The following IYD variants were observed in gnomAD, a reference collection of about 807,000 sequenced individuals.
The protein encoded by IYD is iodotyrosine deiodinase 1.
Under a neutral mutation model 28.4 loss-of-function variants are expected in IYD, and 25 were observed. That is an observed-to-expected ratio of 0.88 (90% CI 0.64 to 1.23). The LOEUF (loss-of-function observed/expected upper bound fraction) is 1.23. IYD is among the 50% of genes most tolerant of loss of function. IYD has a pLI of 0.00. For missense variants in IYD, 352 were observed against 357.9 expected (o/e 0.98, Z 0.13); for synonymous variants, 140 against 130.8 (o/e 1.07, Z -0.48).
In IYD at chr6:150,398,513, C is replaced by T. The variant is rs1778410858; in HGVS notation, c.*276C>T. ...TTTTAAAAGTTATTCTAGACAATCACTATTGGCTTTTTTCTTTTATTTTTA... is the reference window on the plus strand; with the variant it reads ...TTTTAAAAGTTATTCTAGACAATCATTATTGGCTTTTTTCTTTTATTTTTA... On this transcript the variant is annotated 3_prime_UTR_variant, in exon 5 of 5. Transcript: ENST00000344419. The T allele has an allele frequency of 1.6e-5, 6 of 380,350 alleles. No individual in the cohort carries two copies. Among genetic ancestry groups the T allele is most frequent in the Non-Finnish European group, 2.8e-5 (6 of 211,686 alleles). The allele number at this position is 380,350 out of a possible 1,614,324, so 23.6% of individuals were successfully genotyped here. A position where few individuals can be genotyped will look rare whatever the true frequency, so the allele number is the denominator to read the frequency against.
At position 150,392,519 on chromosome 6, in the gene IYD, G is replaced by A; in HGVS notation, c.530+15G>A. ...AAGAAACTGAGGTACAAACAGTGGTGGAACTGGGGATGTTTGCCTTGGCCT... is the reference window on the plus strand; with the variant it reads ...AAGAAACTGAGGTACAAACAGTGGTAGAACTGGGGATGTTTGCCTTGGCCT... On this transcript the variant is annotated intron_variant, in intron 3 of 4. Coordinates refer to ENST00000344419, the MANE Select transcript of IYD (RefSeq NM_203395.3). 6.2e-7 allele frequency: 1 copy of A among 1,613,360 alleles called. No homozygotes were observed. The highest frequency in any genetic ancestry group is 1.1e-5 in the South Asian group (1 of 91,042).
chr6:150,398,145 C>T lies in IYD; in HGVS notation c.778C>T (p.Leu260=). 1 of 1,614,206 alleles carries T rather than the reference C, an allele frequency of 6.2e-7. No individual in the cohort carries two copies. Among genetic ancestry groups the T allele is most frequent in the Non-Finnish European group, 8.5e-7 (1 of 1,180,028 alleles). The stretch of plus-strand genomic sequence containing the variant: ...GGGCCGCCCCGCACATGAAAAGCTG[C>T]TGATGCTGCTCCCCGTGGGGTACCC... ...LLGRPAHEKL[L]MLLPVGYPSK... is the part of the protein sequence containing the mutation. Residue 260 remains leucine, a synonymous_variant, in exon 5 of 5, where the codon CTG becomes TTG. Coordinates refer to ENST00000344419, the MANE Select transcript of IYD (RefSeq NM_203395.3).
At chr6:150,392,557 TCAC>T in intron 3 of IYD, 53 bp downstream of exon 3, 15 of 1,550,072 alleles carry the variant, frequency 9.7e-6, no homozygotes, top group Non-Finnish European at 1.3e-5. Context: ...TAAAATAAAA[TCAC>T]CACCACCACC....
chr6:150,394,259 T>C lies in IYD; in HGVS notation c.687+4T>C, dbSNP rs1296705304. 1.2e-5 allele frequency: 20 copies of C among 1,613,964 alleles called. No individual in the cohort carries two copies. The highest frequency in any genetic ancestry group is 1.7e-5 in the Non-Finnish European group (20 of 1,179,938). On this transcript the variant is annotated splice_donor_region_variant and intron_variant, in intron 4 of 4. Coordinates refer to ENST00000344419, the MANE Select transcript of IYD (RefSeq NM_203395.3). ...CATCCTGCTAGCTGCCCTGCAGGTATGTTGAGACATCAAGGGTTACAGGGT... is the reference window on the plus strand; with the variant it reads ...CATCCTGCTAGCTGCCCTGCAGGTACGTTGAGACATCAAGGGTTACAGGGT...
intron 3 of IYD, among the ~76,000 whole-genome samples, chr6:150,392,849 T>C (rs1048419920): frequency 1.3e-5 from 2 of 152,244 alleles, no homozygotes; most frequent in African/African-American, 4.8e-5. Flanking sequence ...AAGCAGGTTT[T>C]AGTTTTAGGA....
At chr6:150,395,390 T>C (rs1442118598) in intron 4 of IYD, 1 of 1,536,420 alleles carries the variant, frequency 6.5e-7, no homozygotes, top group Admixed American at 2.0e-5. Flanking sequence ...GAAATGTGTT[T>C]TAGGTTTTTG....
intron 1 of IYD, among the ~76,000 whole-genome samples, chr6:150,387,772 G>T (rs993997858): frequency 1.3e-5 from 2 of 151,902 alleles, no homozygotes; most frequent in East Asian, 3.9e-4. Context: ...TTCAATTCCA[G>T]AAGTTCTCTA....
At chr6:150,392,236 A>C in intron 2 of IYD, 109 bp from the exon 3 acceptor site, 2 of 1,573,256 alleles carry the variant, frequency 1.3e-6, no homozygotes, top group Non-Finnish European at 1.7e-6. Flanking sequence ...TTGATCCTCC[A>C]GCTCCAGCCT....
rs1554231468 is a variant in IYD at position 150,388,630 on chromosome 6, G to GCTTTCTTTCTTCTTT, written c.179-711_179-710insCTTTCTTTCTTTCTT. Among the ~76,000 whole-genome samples, 449 of 129,404 alleles carry GCTTTCTTTCTTCTTT rather than the reference G, an allele frequency of 3.5e-3. 2 individuals carry two copies. The highest frequency in any genetic ancestry group is 0.013 in the African/African-American group (428 of 32,438). 84.9% of individuals were successfully genotyped at this position (129,404 alleles called of 152,430 possible). On this transcript the variant is annotated intron_variant, in intron 1 of 4. Transcript: ENST00000344419. ...TCTAGATTTATAGTCTGGAGTTTTTGCTTTCTTTCTTTCTTTCTTTCTTTC... is the reference window on the plus strand; with the variant it reads ...TCTAGATTTATAGTCTGGAGTTTTTGCTTTCTTTCTTCTTTCTTTCTTTCTTTCTTTCTTTCTTTC...
intron 3 of IYD, among the ~76,000 whole-genome samples, chr6:150,392,745 G>T (rs557763350): frequency 6.6e-6 from 1 of 152,116 alleles, no homozygotes; most frequent in Non-Finnish European, 1.5e-5. Flanking sequence ...CTTTTCACTC[G>T]TCTGGAACAT....
chr6:150,392,457 C>T lies in IYD; in HGVS notation c.483C>T (p.Tyr161=), dbSNP rs1562320288. 1 of 1,613,974 alleles carries T rather than the reference C, an allele frequency of 6.2e-7. No individual in the cohort carries two copies. Among genetic ancestry groups the T allele is most frequent in the Admixed American group, 1.7e-5 (1 of 60,014 alleles). The change falls in exon 3 of 5, where the codon TAC becomes TAT. Residue 161 remains tyrosine, a synonymous_variant. Coordinates refer to ENST00000344419, the MANE Select transcript of IYD (RefSeq NM_203395.3). The part of the protein sequence containing the change: ...KIIEEEEEIN[Y]MKRMGHRWVT... ...TTGAGGAGGAAGAGGAGATCAACTA[C>T]ATGAAAAGGATGGGACATCGCTGGG... is the stretch of plus-strand genomic sequence containing the variant.
rs1778429988 is a variant in IYD at position 150,399,134 on chromosome 6, G to A, written c.*897G>A. 6.6e-6 allele frequency: 1 copy of A among 152,174 alleles called. No individual in the cohort carries two copies. Among genetic ancestry groups the A allele is most frequent in the Non-Finnish European group, 1.5e-5 (1 of 68,062 alleles). 9.4% of individuals were successfully genotyped at this position (152,174 alleles called of 1,614,324 possible). On this transcript the variant is annotated 3_prime_UTR_variant, in exon 5 of 5. Coordinates refer to ENST00000344419, the MANE Select transcript of IYD (RefSeq NM_203395.3). The stretch of plus-strand genomic sequence containing the variant: ...GCACGGGCCTGGCTGGCATGTAAAC[G>A]GTCAGTTGCACTGCCTAGTGGTTTG...
In IYD at chr6:150,401,706, G is replaced by A. The variant is rs919372327; in HGVS notation, c.*3469G>A. On this transcript the variant is annotated 3_prime_UTR_variant, in exon 5 of 5. Transcript: ENST00000344419. Reference sequence around the variant, plus strand: ...AAAGTTAGAAATAGTGGTCGGGGAGGCTTATAGATCCTCTTGCTGTTCTGA... The same window carrying A: ...AAAGTTAGAAATAGTGGTCGGGGAGACTTATAGATCCTCTTGCTGTTCTGA... 1.3e-5 allele frequency: 2 copies of A among 152,160 alleles called. No homozygotes were observed. Among genetic ancestry groups the A allele is most frequent in the African/African-American group, 4.8e-5 (2 of 41,442 alleles). 9.4% of individuals were successfully genotyped at this position (152,160 alleles called of 1,614,324 possible).
chr6:150,401,038 ATAGGTGTGTGTTTG>A lies in IYD; in HGVS notation c.*2802_*2815del, dbSNP rs1438501733. 3.3e-5 allele frequency: 5 copies of A among 152,206 alleles called. No individual in the cohort carries two copies. In the East Asian group the frequency reaches 9.6e-4, roughly 29 times the overall value. 9.4% of individuals were successfully genotyped at this position (152,206 alleles called of 1,614,324 possible). ...TTACTCCAGGAAAAAAGGTGTGTGT[ATAGGTGTGTGTTTG>A]GAGAGTGTGAGCGAGAACTAACATG... On this transcript the variant is annotated 3_prime_UTR_variant, in exon 5 of 5. Transcript: ENST00000344419.
Position 150,398,339 on chromosome 6 carries a change from T to G in IYD, c.*102T>G. The G allele has an allele frequency of 6.5e-4, 729 of 1,119,104 alleles. No homozygotes were observed. The highest frequency in any genetic ancestry group is 8.9e-4 in the Non-Finnish European group (669 of 747,754). 69.3% of individuals were successfully genotyped at this position (1,119,104 alleles called of 1,614,324 possible). On this transcript the variant is annotated 3_prime_UTR_variant, in exon 5 of 5. Coordinates refer to ENST00000344419, the MANE Select transcript of IYD (RefSeq NM_203395.3). The stretch of plus-strand genomic sequence containing the variant: ...CTCTTGGCTGCTCTTTCTCCAGGTG[T>G]CAGGTCCCCTCATTGCTCTTCTCAG...
In IYD at chr6:150,381,284, T is replaced by C. The variant is rs114551636; in HGVS notation, c.179-8068T>C. Among the ~76,000 whole-genome samples, 1,017 of 152,294 alleles carry C rather than the reference T, an allele frequency of 6.7e-3. 20 individuals are homozygous for C. Among genetic ancestry groups the C allele is most frequent in the African/African-American group, 0.024 (986 of 41,566 alleles). On this transcript the variant is annotated intron_variant, in intron 1 of 4. Coordinates refer to ENST00000344419, the MANE Select transcript of IYD (RefSeq NM_203395.3). ...GAAATTCATCTCTAAGGATCTAAGT[T>C]TCCACTGTATCTAGACTTTACCTAC...
Position 150,402,650 on chromosome 6 carries a change from T to A in IYD, c.*4413T>A, listed in dbSNP as rs964334709. ...GTCTAATACAGCTTTAAATAGAGTA[T>A]CACTTTGGGCCAAAGAAAATTGATA... On this transcript the variant is annotated 3_prime_UTR_variant, in exon 5 of 5. Transcript: ENST00000344419. 2 of 152,172 alleles carry A rather than the reference T, an allele frequency of 1.3e-5. No homozygotes were observed. Among genetic ancestry groups the A allele is most frequent in the African/African-American group, 4.8e-5 (2 of 41,444 alleles). The allele number at this position is 152,172 out of a possible 1,614,324, so 9.4% of individuals were successfully genotyped here. A position where few individuals can be genotyped will look rare whatever the true frequency, so the allele number is the denominator to read the frequency against.
At chr6:150,370,160 AGTGTGTGTGAGTGTAT>A (rs1431383408) in intron 1 of IYD, 2 of 652,486 alleles carry the variant, frequency 3.1e-6, no homozygotes, top group African/African-American at 3.6e-5. Context: ...TGGACATGTG[AGTGTGTGTGAGTGTAT>A]GTGTGTGAGA....
At chr6:150,373,001 GA>G (rs1252414940) in intron 1 of IYD, among the ~76,000 whole-genome samples, 1 of 152,160 alleles carries the variant, frequency 6.6e-6, no homozygotes, top group Non-Finnish European at 1.5e-5. Context: ...CAGATTCATA[GA>G]AGTCCATAGA....
Sources: gnomAD v4.1 joint callset for allele counts (sites outside exome capture counted in the v4.1 genomes callset) on GRCh38, gnomAD v4.1.1 for gene constraint, MANE v1.5 for transcripts, NCBI Gene and HGNC (gene_info 2026-07-23, HGNC 2026-07-21) for gene names.